The following CEP295NL variants were observed in gnomAD, a reference collection of about 807,000 sequenced individuals.
The protein encoded by CEP295NL is CEP295 N-terminal like, also known as protein DDC8 homolog.
Under a neutral mutation model 4.6 loss-of-function variants are expected in CEP295NL, and 3 were observed. The observed-to-expected ratio is 0.65, with a 90% CI of 0.30 to 1.69. CEP295NL has a LOEUF of 1.69. Ranked by LOEUF, CEP295NL falls within the 40% of genes most tolerant of loss-of-function variation. CEP295NL has a pLI of 0.10. For missense variants in CEP295NL, 719 were observed against 769.0 expected, an observed-to-expected ratio of 0.93 and a Z score of 0.77; for synonymous variants, 295 against 312.2, an observed-to-expected ratio of 0.94 and a Z score of 0.58.
In CEP295NL at chr17:78,891,537, C is replaced by T. The variant is rs367913374; in HGVS notation, c.967G>A (p.Val323Met). 10 of 1,551,054 alleles carry T rather than the reference C, an allele frequency of 6.4e-6. No individual in the cohort carries two copies. Among genetic ancestry groups the T allele is most frequent in the African/African-American group, 1.4e-5 (1 of 73,176 alleles). ...AGCGTGCACTGAGATGCTGGGGACA[C>T]GGCTTCCCTTCTGCAGCTGGAATCA... The part of the protein sequence containing the change: ...PADSSCRREA[V>M]SPASQCTLRE... The change falls in exon 3 of 3, where the codon GTG (valine) becomes ATG (methionine). Residue 323 changes from valine (V) to methionine (M), a missense_variant. Coordinates refer to ENST00000322630, the MANE Select transcript of CEP295NL (RefSeq NM_001243540.2). This position sits in a 1 kb window ranked among gnomAD's most constrained non-coding sequence, Gnocchi z 4.5.
At position 78,892,479 on chromosome 17, in the gene CEP295NL, A is replaced by C; in HGVS notation, c.45-20T>G. 6.5e-7 allele frequency: 1 copy of C among 1,535,398 alleles called. No homozygotes were observed. Among genetic ancestry groups the C allele is most frequent in the Non-Finnish European group, 8.8e-7 (1 of 1,139,002 alleles). ...GCAAACCTACGAGGAAGGGAGCACA[A>C]GTGCAGCTTTCCAGATCGCTCCCAG... On this transcript the variant is annotated intron_variant, in intron 2 of 2. Coordinates refer to ENST00000322630, the MANE Select transcript of CEP295NL (RefSeq NM_001243540.2).
At chr17:78,893,390 TGTGTATGC>T (rs1568001193) in intron 2 of CEP295NL, among the ~76,000 whole-genome samples, 6 of 133,578 alleles carry the variant, frequency 4.5e-5, no homozygotes, top group African/African-American at 1.7e-4. Context: ...TGTGCAGGGG[TGTGTATGC>T]AGGGGTGTGT....
chr17:78,894,791 GA>G (rs1426733223), intron 2 of CEP295NL, among the ~76,000 whole-genome samples: 2 of 151,804 alleles, frequency 1.3e-5, no homozygotes, highest in East Asian at 3.9e-4. Flanking sequence ...CAAAGAAACG[GA>G]TAAGCTGAAC....
chr17:78,899,627 C>T (rs992107392), intron 2 of CEP295NL: 10 of 152,266 alleles, frequency 6.6e-5, no homozygotes, highest in African/African-American at 2.4e-4. Context: ...CTGGGAGCCA[C>T]CCTAGCCTGG....
Position 78,891,960 on chromosome 17 carries a change from C to T in CEP295NL, c.544G>A (p.Glu182Lys), listed in dbSNP as rs1391065049. 1.3e-6 allele frequency: 2 copies of T among 1,550,584 alleles called. No homozygotes were observed. The highest frequency in any genetic ancestry group is 2.4e-5 in the East Asian group (1 of 40,912). ...AALSEERSCREELGQQHPRHS... is the reference protein window; with the variant it reads ...AALSEERSCRKELGQQHPRHS... Reference sequence around the variant, plus strand: ...CTGGGGTGTTGCTGGCCCAACTCTTCCCTGCAACTCCTCTCTTCACTAAGG... The same window carrying T: ...CTGGGGTGTTGCTGGCCCAACTCTTTCCTGCAACTCCTCTCTTCACTAAGG... Residue 182 changes from glutamate (E) to lysine (K), a missense_variant, in exon 3 of 3, where the codon GAA becomes AAA. Coordinates refer to ENST00000322630, the MANE Select transcript of CEP295NL (RefSeq NM_001243540.2). The surrounding 1 kb of genome is among the most constrained non-coding windows in gnomAD (Gnocchi z 4.5).
intron 2 of CEP295NL, 127 bp from the exon 3 acceptor site, chr17:78,892,586 C>T (rs2069918619): frequency 7.1e-7 from 1 of 1,414,480 alleles, no homozygotes; most frequent in Admixed American, 2.8e-5. Flanking sequence ...TCCAAGCTCT[C>T]TTGACCCGTG....
Position 78,891,065 on chromosome 17 carries a change from A to T in CEP295NL, c.1439T>A (p.Leu480Gln). Residue 480 changes from leucine (L) to glutamine (Q), a missense_variant, in exon 3 of 3, where the codon CTG becomes CAG. Transcript: ENST00000322630. The surrounding 1 kb of genome is among the most constrained non-coding windows in gnomAD (Gnocchi z 4.5). ...GTGGAGCTGAAGGGAGCCCTCTGCC[A>T]GCGTGCCCAGTTTGGGGGTCTCTTG... ...SGQETPKLGT[L>Q]AEGSLQLHLQ... The T allele has an allele frequency of 6.4e-7, 1 of 1,551,046 alleles. No individual in the cohort carries two copies. The highest frequency in any genetic ancestry group is 8.7e-7 in the Non-Finnish European group (1 of 1,147,096).
intron 2 of CEP295NL, chr17:78,897,778 T>A (rs1002636942): frequency 6.6e-5 from 10 of 152,240 alleles, no homozygotes; most frequent in African/African-American, 2.4e-4. Context: ...CACCTCGGCC[T>A]GTAACAGACA....
Position 78,896,352 on chromosome 17 carries a change from C to T in CEP295NL, c.45-3893G>A, listed in dbSNP as rs906246460. On this transcript the variant is annotated intron_variant, in intron 2 of 2. Transcript: ENST00000322630. The surrounding 1 kb of genome is among the most constrained non-coding windows in gnomAD (Gnocchi z 4.4). ...GGATGCCTGCCTCTGCCTGTGATGC[C>T]CAGGCTGATCTCCAGGCAGCCCAGT... Among the ~76,000 whole-genome samples, 1 of 152,190 alleles carries T rather than the reference C, an allele frequency of 6.6e-6. No homozygotes were observed. Among genetic ancestry groups the T allele is most frequent in the African/African-American group, 2.4e-5 (1 of 41,450 alleles).
rs1286443603 is a variant in CEP295NL, at chr17:78,901,784, CTG to C, written c.43_44del (p.Gln15ValfsTer19). Reference protein sequence around the residue: ...WSSSVIWRHTQFAVERCGFCG... With the variant: ...WSSSVIWRHTXFAVERCGFCG... ...GCTTGGGGAAGAGGGGTGGTACTTA[CTG>C]TGTGTGTCTCCAGATGACTGAGCTA... On this transcript the variant is annotated frameshift_variant and splice_region_variant, in exon 2 of 3. Transcript: ENST00000322630. LOFTEE classifies it low-confidence loss of function (END_TRUNC). 1.4e-5 allele frequency: 10 copies of C among 717,236 alleles called. No individual in the cohort carries two copies. The highest frequency in any genetic ancestry group is 1.2e-4 in the African/African-American group (7 of 57,294). The allele number at this position is 717,236 out of a possible 1,614,324, so 44.4% of individuals were successfully genotyped here.
chr17:78,902,249 A>G (rs1474080158), intron 1 of CEP295NL, among the ~76,000 whole-genome samples: 2 of 152,362 alleles, frequency 1.3e-5, no homozygotes, highest in East Asian at 3.9e-4. Flanking sequence ...CTGGGACTAC[A>G]GGCGCACGCC....
chr17:78,890,953 C>T lies in CEP295NL; in HGVS notation c.1551G>A (p.Leu517=). 6.4e-7 allele frequency: 1 copy of T among 1,551,016 alleles called. No homozygotes were observed. The highest frequency in any genetic ancestry group is 8.7e-7 in the Non-Finnish European group (1 of 1,147,100). The part of the protein sequence containing the change: ...AEMEQRRQKQ[L]ESLEQMEHPD... ...GGTGTTCCATTTGTTCAAGCGATTC[C>T]AGTTGTTTTTGTCTTCTCTGCTCCA... The change falls in exon 3 of 3, where the codon CTG becomes CTA. Residue 517 remains leucine, a synonymous_variant. Coordinates refer to ENST00000322630, the MANE Select transcript of CEP295NL (RefSeq NM_001243540.2).
intron 2 of CEP295NL, among the ~76,000 whole-genome samples, chr17:78,893,657 C>T (rs963068753): frequency 1.3e-5 from 2 of 151,918 alleles, no homozygotes; most frequent in African/African-American, 4.8e-5. Flanking sequence ...CCGTGTGGGG[C>T]ATGCAGGTAT....
At position 78,892,208 on chromosome 17, in the gene CEP295NL, G is replaced by A; in HGVS notation, c.296C>T (p.Ala99Val). Residue 99 changes from alanine (A) to valine (V), a missense_variant, in exon 3 of 3, where the codon GCC becomes GTC. Coordinates refer to ENST00000322630, the MANE Select transcript of CEP295NL (RefSeq NM_001243540.2). ...GAGCTGGTAGTTTTTCCACAGCTTG[G>A]CATCCGCTCTTCTCTGCAGAGCGAG... ...GDLALQRRAD[A>V]KLWKNYQLQR... The A allele has an allele frequency of 6.4e-7, 1 of 1,550,966 alleles. No individual in the cohort carries two copies. The highest frequency in any genetic ancestry group is 1.2e-5 in the South Asian group (1 of 84,070).
rs1158224246 is a variant in CEP295NL at position 78,891,335 on chromosome 17, G to C, written c.1169C>G (p.Pro390Arg). ...TGGGTCTGCCATTTTCTTCCCTCTTGGGGTCCCAGCGCCACACTCTTGCAT... is the reference window on the plus strand; with the variant it reads ...TGGGTCTGCCATTTTCTTCCCTCTTCGGGTCCCAGCGCCACACTCTTGCAT... Reference protein sequence around the residue: ...SEMQECGAGTPRGKKMADPEM... With the variant: ...SEMQECGAGTRRGKKMADPEM... The change falls in exon 3 of 3, where the codon CCA (proline) becomes CGA (arginine). Residue 390 changes from proline to arginine, a missense_variant. Transcript: ENST00000322630. This position sits in a 1 kb window ranked among gnomAD's most constrained non-coding sequence, Gnocchi z 4.5. 4 of 1,550,202 alleles carry C rather than the reference G, an allele frequency of 2.6e-6. No homozygotes were observed. Among genetic ancestry groups the C allele is most frequent in the Non-Finnish European group, 3.5e-6 (4 of 1,146,920 alleles).
In CEP295NL at chr17:78,890,600, T is replaced by C; in HGVS notation, c.*38A>G. 1 of 1,530,838 alleles carries C rather than the reference T, an allele frequency of 6.5e-7. No homozygotes were observed. Among genetic ancestry groups the C allele is most frequent in the Non-Finnish European group, 8.8e-7 (1 of 1,134,116 alleles). 94.8% of individuals were successfully genotyped at this position (1,530,838 alleles called of 1,614,324 possible). On this transcript the variant is annotated 3_prime_UTR_variant, in exon 3 of 3. Transcript: ENST00000322630. ...CGGGTACCAGTGCTGGCAGCACCAT[T>C]ATCAGTGATGTATTTACCCCGGGTG...
Position 78,901,794 on chromosome 17 carries a change from C to T in CEP295NL, c.35G>A (p.Arg12Lys). ...GAGGGGTGGTACTTACTGTGTGTGT[C>T]TCCAGATGACTGAGCTAGACCACCC... Reference protein sequence around the residue: ...CSGWSSSVIWRHTQFAVERCG... With the variant: ...CSGWSSSVIWKHTQFAVERCG... The change falls in exon 2 of 3, where the codon AGA becomes AAA. Residue 12 changes from arginine to lysine, a missense_variant. By Grantham distance (26) the Arg-to-Lys change is conservative. Coordinates refer to ENST00000322630, the MANE Select transcript of CEP295NL (RefSeq NM_001243540.2). 1.4e-6 allele frequency: 1 copy of T among 717,210 alleles called. No individual in the cohort carries two copies. The highest frequency in any genetic ancestry group is 2.6e-6 in the Non-Finnish European group (1 of 385,038). The allele number at this position is 717,210 out of a possible 1,614,324, so 44.4% of individuals were successfully genotyped here.
intron 2 of CEP295NL, chr17:78,897,485 G>C (rs1355166511): frequency 1.3e-5 from 2 of 152,282 alleles, no homozygotes; most frequent in African/African-American, 4.8e-5. Flanking sequence ...CCAACTACCA[G>C]GCTGTGTTGT....
At position 78,896,767 on chromosome 17, in the gene CEP295NL, C is replaced by G. The variant is rs1208268101; in HGVS notation, c.45-4308G>C. On this transcript the variant is annotated intron_variant, in intron 2 of 2. Coordinates refer to ENST00000322630, the MANE Select transcript of CEP295NL (RefSeq NM_001243540.2). The surrounding 1 kb of genome is among the most constrained non-coding windows in gnomAD (Gnocchi z 4.4). ...CACCAATCTGGCCTCCGGACGGCACCAGGGCCTCCCACAGAGCGGAGTGGA... is the reference window on the plus strand; with the variant it reads ...CACCAATCTGGCCTCCGGACGGCACGAGGGCCTCCCACAGAGCGGAGTGGA... Among the ~76,000 whole-genome samples the G allele has an allele frequency of 6.6e-6, 1 of 152,148 alleles. No individual in the cohort carries two copies. The highest frequency in any genetic ancestry group is 2.4e-5 in the African/African-American group (1 of 41,434).
Sources: gnomAD v4.1 joint callset for allele counts (sites outside exome capture counted in the v4.1 genomes callset) on GRCh38, gnomAD v4.1.1 for gene constraint, Gnocchi (gnomAD v3.1) non-coding constraint, MANE v1.5 for transcripts, NCBI Gene and HGNC (gene_info 2026-07-23, HGNC 2026-07-21) for gene names.